The following KCNQ2 variants were observed in gnomAD, a reference collection of about 807,000 sequenced individuals.
The protein encoded by KCNQ2 is potassium voltage-gated channel subfamily KQT member 2.
A neutral mutation model predicts 84.8 loss-of-function variants in KCNQ2; 14 were observed. That is an observed-to-expected ratio of 0.17 (90% confidence interval 0.11 to 0.26). The LOEUF is 0.26. Ranked by LOEUF, KCNQ2 falls within the 10% of genes least tolerant of loss-of-function variation. KCNQ2 has a pLI of 1.00. For missense variants in KCNQ2, 788 were observed against 1,254.0 expected, an observed-to-expected ratio of 0.63 and a Z score of 5.61; for synonymous variants, 599 against 554.1, an observed-to-expected ratio of 1.08 and a Z score of -1.14.
chr20:63,443,313 TCACCACCACCACCATCACCATCAC>T (rs2081298347), intron 4 of KCNQ2, among the ~76,000 whole-genome samples: 1 of 28,406 alleles, frequency 3.5e-5, no homozygotes, highest in Non-Finnish European at 7.1e-5. Flanking sequence ...ATCACCATCA[TCACCACCACCACCATCACCATCAC>T]CACCATCACC....
In KCNQ2 at chr20:63,432,430, TCAGGGAAGGATCCACCCA is replaced by T. The variant is rs1568913569; in HGVS notation, c.1119-1079_1119-1062del. Among the ~76,000 whole-genome samples the T allele has an allele frequency of 1.1e-3, 84 of 79,798 alleles. 1 individual carries two copies. The highest frequency in any genetic ancestry group is 3.2e-3 in the African/African-American group (68 of 21,340). The allele number at this position is 79,798 out of a possible 152,430, so 52.4% of individuals were successfully genotyped here. ...CCCACCCTCAGGGAAGGCCCCACCCTCAGGGAAGGATCCACCCACAGGGAAGGCTCCACCCACAGGGAA... is the reference window on the plus strand; with the variant it reads ...CCCACCCTCAGGGAAGGCCCCACCCTCAGGGAAGGCTCCACCCACAGGGAA... On this transcript the variant is annotated intron_variant, in intron 8 of 16. Transcript: ENST00000359125.
At chr20:63,451,657 C>T (rs2081618837) in intron 1 of KCNQ2, among the ~76,000 whole-genome samples, 1 of 152,166 alleles carries the variant, frequency 6.6e-6, no homozygotes, top group Non-Finnish European at 1.5e-5. Context: ...GGTGGCCATG[C>T]TGTTCCAGGC....
At chr20:63,418,384 G>A (rs1333678960) in intron 12 of KCNQ2, among the ~76,000 whole-genome samples, 2 of 152,218 alleles carry the variant, frequency 1.3e-5, no homozygotes, top group South Asian at 2.1e-4. Context: ...AAATTCAGAT[G>A]TGCGGTGCCC....
Position 63,408,066 on chromosome 20 carries a change from T to A in KCNQ2, c.1887+347A>T. The A allele has an allele frequency of 3.0e-6, 1 of 334,218 alleles. No individual in the cohort carries two copies. The highest frequency in any genetic ancestry group is 5.8e-6 in the Non-Finnish European group (1 of 172,702). The allele number at this position is 334,218 out of a possible 1,614,324, so 20.7% of individuals were successfully genotyped here. On this transcript the variant is annotated intron_variant, in intron 16 of 16. Coordinates refer to ENST00000359125, the MANE Select transcript of KCNQ2 (RefSeq NM_172107.4). This position sits in a 1 kb window ranked among gnomAD's most constrained non-coding sequence, Gnocchi z 5.0. ...CCCCCAGAAGACAGCGGCCAGGGTG[T>A]CGGGCAAGGAGGACAGAGAGGAGGA...
At position 63,425,635 on chromosome 20, in the gene KCNQ2, A is replaced by G. The variant is rs2080605024; in HGVS notation, c.1218-1429T>C. Among the ~76,000 whole-genome samples, 1 of 152,140 alleles carries G rather than the reference A, an allele frequency of 6.6e-6. No homozygotes were observed. The highest frequency in any genetic ancestry group is 2.1e-4 in the South Asian group (1 of 4,816). ...CTCGGGAGGTTGAGGGAGGAGAATC[A>G]CTTGAACCCAGGAGGCAGAGGTTGC... is the stretch of plus-strand genomic sequence containing the variant. On this transcript the variant is annotated intron_variant, in intron 10 of 16. Transcript: ENST00000359125. This position sits in a 1 kb window ranked among gnomAD's most constrained non-coding sequence, Gnocchi z 5.5.
At chr20:63,439,570 C>A (rs2081096619) in intron 6 of KCNQ2, 28 bp downstream of exon 6, 6 of 1,560,832 alleles carry the variant, frequency 3.8e-6, no homozygotes, top group Non-Finnish European at 5.3e-6. Flanking sequence ...CGTCCCCCTC[C>A]AAGGCAGGCA....
chr20:63,424,123 G>T, intron 11 of KCNQ2, 54 bp downstream of exon 11: 1 of 1,545,818 alleles, frequency 6.5e-7, no homozygotes, highest in Non-Finnish European at 8.8e-7. Context: ...GTGGGAGAGA[G>T]ACCAGACGGC....
chr20:63,449,643 C>T (rs903360304), intron 1 of KCNQ2, among the ~76,000 whole-genome samples: 2 of 152,078 alleles, frequency 1.3e-5, no homozygotes, highest in African/African-American at 2.4e-5. Flanking sequence ...TGGGGAGCAC[C>T]GCAGAGAGAG....
At chr20:63,465,868 C>G (rs1029278248) in intron 1 of KCNQ2, among the ~76,000 whole-genome samples, 1 of 152,172 alleles carries the variant, frequency 6.6e-6, no homozygotes, top group Non-Finnish European at 1.5e-5. Context: ...CGTTTCCGCT[C>G]GACGCTCCGT....
intron 11 of KCNQ2, chr20:63,423,957 G>A (rs374024478): frequency 5.8e-5 from 36 of 616,166 alleles, no homozygotes; most frequent in African/African-American, 5.7e-4. Flanking sequence ...CCACAGTGCT[G>A]CAAAGTAAAA....
rs1482401514 is a variant in KCNQ2, at chr20:63,414,564, G to A, written c.1525+339C>T. ...GGCCCCACGTGGGAGCCGCAGACACGCACGGCCCAAGAGCAGCGGGTGCTG... is the reference window on the plus strand; with the variant it reads ...GGCCCCACGTGGGAGCCGCAGACACACACGGCCCAAGAGCAGCGGGTGCTG... On this transcript the variant is annotated intron_variant, in intron 13 of 16. Transcript: ENST00000359125. This position sits in a 1 kb window ranked among gnomAD's most constrained non-coding sequence, Gnocchi z 6.6. 1.3e-5 allele frequency among the ~76,000 whole-genome samples: 2 copies of A among 152,058 alleles called. No homozygotes were observed. Among genetic ancestry groups the A allele is most frequent in the Non-Finnish European group, 2.9e-5 (2 of 68,028 alleles).
chr20:63,443,520 T>TCATCACCAC (rs2081324284), intron 4 of KCNQ2: 1 of 90,234 alleles, frequency 1.1e-5, no homozygotes, highest in Admixed American at 1.1e-4. Context: ...ATCACCACCA[T>TCATCACCAC]CACCATCACC....
chr20:63,424,546 G>A (rs576047729), intron 10 of KCNQ2: 32 of 337,146 alleles, frequency 9.5e-5, no homozygotes, highest in Middle Eastern at 1.6e-3. Context: ...CAAAAAGCAC[G>A]TGTTTGCTGA....
chr20:63,461,428 C>T (rs549749679), intron 1 of KCNQ2, among the ~76,000 whole-genome samples: 131 of 152,354 alleles, frequency 8.6e-4, no homozygotes, highest in Non-Finnish European at 1.2e-3. Flanking sequence ...CAAACACCAG[C>T]CCCTTCCCCA....
At chr20:63,456,036 C>T (rs1304235008) in intron 1 of KCNQ2, among the ~76,000 whole-genome samples, 1 of 79,884 alleles carries the variant, frequency 1.3e-5, no homozygotes, top group African/African-American at 5.3e-5. Flanking sequence ...CCTCTGCTCA[C>T]GGGCCCCCCA....
At chr20:63,412,443 G>T (rs1426104709) in intron 15 of KCNQ2, among the ~76,000 whole-genome samples, 1 of 152,234 alleles carries the variant, frequency 6.6e-6, no homozygotes, top group Admixed American at 6.5e-5. Context: ...CGCTGCTCCA[G>T]AGAGGACGCT....
intron 4 of KCNQ2, 71 bp downstream of exon 4, chr20:63,444,588 T>C: frequency 2.3e-6 from 3 of 1,320,972 alleles, no homozygotes; most frequent in Non-Finnish European, 3.0e-6. Flanking sequence ...CAGGCAGGGG[T>C]GGGGCCCGGT....
chr20:63,410,194 C>T (rs971884530), intron 15 of KCNQ2, among the ~76,000 whole-genome samples: 1 of 152,152 alleles, frequency 6.6e-6, no homozygotes, highest in Non-Finnish European at 1.5e-5. Flanking sequence ...CCCTGGTGTT[C>T]GGGGCATCCA....
chr20:63,466,742 C>CG (rs1413988395), intron 1 of KCNQ2: 1 of 152,318 alleles, frequency 6.6e-6, no homozygotes, highest in East Asian at 1.9e-4. Context: ...ATGACGCCCC[C>CG]GGCCAGAGCC....
Sources: gnomAD v4.1 joint callset for allele counts (sites outside exome capture counted in the v4.1 genomes callset) on GRCh38, gnomAD v4.1.1 for gene constraint, Gnocchi (gnomAD v3.1) non-coding constraint, MANE v1.5 for transcripts, NCBI Gene and HGNC (gene_info 2026-07-23, HGNC 2026-07-21) for gene names.